CATSPERB: variants seen among roughly 807,000 people sequenced by gnomAD.
CATSPERB encodes the protein cation channel sperm-associated auxiliary subunit beta.
In CATSPERB, 93 loss-of-function variants were observed where a neutral mutation model predicts 128.3. The ratio of observed to expected loss-of-function variants is 0.72; its 90% CI spans 0.61 to 0.86. The LOEUF is 0.86. CATSPERB is among the 40% of genes least tolerant of loss of function. CATSPERB has a pLI of 0.00. For missense variants in CATSPERB, 1,153 were observed against 1,329.5 expected, an observed-to-expected ratio of 0.87 and a Z score of 2.06; for synonymous variants, 381 against 448.8, an observed-to-expected ratio of 0.85 and a Z score of 1.91.
chr14:91,646,833 A>T (rs1894615583), intron 15 of CATSPERB, among the ~76,000 whole-genome samples: 1 of 152,232 alleles, frequency 6.6e-6, no homozygotes, highest in Admixed American at 6.5e-5. Context: ...ATTAGAAAAT[A>T]TGATTGGATA....
intron 15 of CATSPERB, among the ~76,000 whole-genome samples, chr14:91,651,078 C>G (rs1474678059): frequency 6.6e-6 from 1 of 152,182 alleles, no homozygotes; most frequent in African/African-American, 2.4e-5. Flanking sequence ...CAGACTTTCT[C>G]TTTCCTGTTT....
intron 10 of CATSPERB, among the ~76,000 whole-genome samples, chr14:91,686,017 A>G (rs942456838): frequency 1.3e-5 from 2 of 152,184 alleles, no homozygotes; most frequent in Non-Finnish European, 1.5e-5. Context: ...GGGATCTTAT[A>G]CTTCCTATTA....
chr14:91,611,580 A>C (rs1484860564), intron 20 of CATSPERB, among the ~76,000 whole-genome samples: 1 of 152,218 alleles, frequency 6.6e-6, no homozygotes, highest in Non-Finnish European at 1.5e-5. Context: ...ACTGCACTCC[A>C]GACTGGGTGA....
intron 22 of CATSPERB, among the ~76,000 whole-genome samples, chr14:91,593,413 G>C (rs1181562385): frequency 6.6e-6 from 1 of 152,212 alleles, no homozygotes; most frequent in Non-Finnish European, 1.5e-5. Flanking sequence ...AAGCCACAGG[G>C]GTGGAGCTGC....
chr14:91,636,134 G>A (rs1373463615), intron 17 of CATSPERB: 1 of 266,736 alleles, frequency 3.7e-6, no homozygotes. Context: ...AAGCTGAGGT[G>A]GGTGAATCCC....
At chr14:91,624,229 C>G (rs1213967311) in intron 18 of CATSPERB, among the ~76,000 whole-genome samples, 1 of 152,178 alleles carries the variant, frequency 6.6e-6, no homozygotes, top group African/African-American at 2.4e-5. Context: ...TGCCTGTAAT[C>G]CTAGCACTTT....
chr14:91,703,599 T>G (rs1447439139), intron 7 of CATSPERB, among the ~76,000 whole-genome samples: 1 of 152,142 alleles, frequency 6.6e-6, no homozygotes, highest in Admixed American at 6.6e-5. Context: ...GGAGACTGAA[T>G]AAATAATTGA....
rs548461708 is a variant in CATSPERB, at chr14:91,602,715, G to A, written c.2709+5579C>T. On this transcript the variant is annotated intron_variant, in intron 22 of 26. Coordinates refer to ENST00000256343, the MANE Select transcript of CATSPERB (RefSeq NM_024764.4). ...AAATATAAAACAAATCTGTCCAAAT[G>A]TTCAGAAGCTGCATCATAAAAACAT... is the stretch of plus-strand genomic sequence containing the variant. Among the ~76,000 whole-genome samples, 4 of 152,206 alleles carry A rather than the reference G, an allele frequency of 2.6e-5. No homozygotes were observed. The South Asian group carries it at 8.3e-4, about 32-fold the overall frequency.
intron 5 of CATSPERB, among the ~76,000 whole-genome samples, chr14:91,714,277 C>CAAAAAAAA (rs35951126): frequency 2.3e-4 from 26 of 111,192 alleles, no homozygotes; most frequent in African/African-American, 5.7e-4. Flanking sequence ...TACAATAAGG[C>CAAAAAAAA]AAAAAAAAAA....
At chr14:91,603,196 A>T in intron 22 of CATSPERB, 1 of 805,586 alleles carries the variant, frequency 1.2e-6, no homozygotes, top group Admixed American at 1.7e-5. Context: ...GTCTTTCTTC[A>T]TGAGGGTGTT....
intron 4 of CATSPERB, among the ~76,000 whole-genome samples, chr14:91,720,687 C>T (rs1001478647): frequency 7.2e-5 from 11 of 152,006 alleles, no homozygotes; most frequent in African/African-American, 2.7e-4. Flanking sequence ...CAATACAGTC[C>T]TTATCAGAAT....
chr14:91,619,303 G>A (rs965652372), intron 19 of CATSPERB, among the ~76,000 whole-genome samples: 1 of 151,738 alleles, frequency 6.6e-6, no homozygotes, highest in Non-Finnish European at 1.5e-5. Context: ...ATAAAATAGA[G>A]GTAACCTAAA....
chr14:91,634,039 G>A (rs1894324381), intron 17 of CATSPERB, among the ~76,000 whole-genome samples: 1 of 152,152 alleles, frequency 6.6e-6, no homozygotes, highest in East Asian at 1.9e-4. Flanking sequence ...CTCCTGTGCA[G>A]ATGAAAATTC....
intron 7 of CATSPERB, among the ~76,000 whole-genome samples, chr14:91,698,003 C>T (rs1298565057): frequency 6.6e-6 from 1 of 152,168 alleles, no homozygotes; most frequent in Non-Finnish European, 1.5e-5. Context: ...TTCTTCCAAT[C>T]CATGAGCATG....
chr14:91,580,750 T>C lies in CATSPERB; in HGVS notation c.*139A>G, dbSNP rs1409774578. 3.0e-6 allele frequency: 2 copies of C among 661,574 alleles called. No homozygotes were observed. The highest frequency in any genetic ancestry group is 5.4e-5 in the East Asian group (2 of 36,734). The allele number at this position is 661,574 out of a possible 1,614,324, so 41.0% of individuals were successfully genotyped here. ...AAATAAGAAAAGGAAATGGTGAATA[T>C]ATTGACAAGTAGCAATTTGAATTAT... is the stretch of plus-strand genomic sequence containing the variant. On this transcript the variant is annotated 3_prime_UTR_variant, in exon 27 of 27. Coordinates refer to ENST00000256343, the MANE Select transcript of CATSPERB (RefSeq NM_024764.4).
intron 15 of CATSPERB, among the ~76,000 whole-genome samples, chr14:91,645,822 CAGT>C (rs774289402): frequency 6.6e-6 from 1 of 150,586 alleles, no homozygotes; most frequent in East Asian, 2.0e-4. Context: ...TGCTGCCTTG[CAGT>C]TTGATCTCAG....
chr14:91,698,534 A>G (rs1177928298), intron 7 of CATSPERB, among the ~76,000 whole-genome samples: 1 of 152,144 alleles, frequency 6.6e-6, no homozygotes, highest in Non-Finnish European at 1.5e-5. Flanking sequence ...TGTGTTTGTC[A>G]TAGATGTCTC....
intron 17 of CATSPERB, among the ~76,000 whole-genome samples, chr14:91,628,143 T>C (rs1894203945): frequency 6.6e-6 from 1 of 152,200 alleles, no homozygotes; most frequent in African/African-American, 2.4e-5. Flanking sequence ...TATTCTTTGT[T>C]TTTTTGTTTT....
At chr14:91,671,331 T>A (rs539808464) in intron 13 of CATSPERB, among the ~76,000 whole-genome samples, 1 of 152,280 alleles carries the variant, frequency 6.6e-6, no homozygotes, top group East Asian at 1.9e-4. Flanking sequence ...TCCAGCACTT[T>A]GGGACGCCAA....
Sources: gnomAD v4.1 joint callset for allele counts (sites outside exome capture counted in the v4.1 genomes callset) on GRCh38, gnomAD v4.1.1 for gene constraint, MANE v1.5 for transcripts, NCBI Gene and HGNC (gene_info 2026-07-23, HGNC 2026-07-21) for gene names.